Variants in NOL4 observed in about 807,000 individuals in gnomAD.
NOL4 encodes cancer/testis antigen 125.
Under a neutral mutation model 75.9 loss-of-function variants are expected in NOL4, and 17 were observed. The observed-to-expected ratio is 0.22, with a 90% CI of 0.15 to 0.34. NOL4 has a LOEUF of 0.34. Among genes scored for constraint, NOL4 ranks in the 10% least tolerant of loss-of-function variants. The probability of loss-of-function intolerance (pLI) is 1.00; values close to 1 mark genes in which losing one functional copy is unlikely to be tolerated. For missense variants in NOL4, 614 were observed against 793.5 expected (o/e 0.77, Z 2.72); for synonymous variants, 292 against 289.9 (o/e 1.01, Z -0.07).
rs144827870 is a variant in NOL4, at chr18:34,084,381, C to T, written c.772+9084G>A. Among the ~76,000 whole-genome samples, 409 of 152,242 alleles carry T rather than the reference C, an allele frequency of 2.7e-3. 3 individuals carry two copies. Among genetic ancestry groups the T allele is most frequent in the Non-Finnish European group, 3.8e-3 (256 of 68,006 alleles). On this transcript the variant is annotated intron_variant, in intron 5 of 10. Transcript: ENST00000261592. ...CTGGCTAGGGATGCTGAAATTGTAA[C>T]AGGGAGGCCCCGCCCGTCGAGGATA...
chr18:33,907,030 G>T (rs759835872), intron 9 of NOL4, among the ~76,000 whole-genome samples: 1 of 152,028 alleles, frequency 6.6e-6, no homozygotes, highest in Non-Finnish European at 1.5e-5. Context: ...TGCTACAAAA[G>T]ACCTTGAAAG....
intron 1 of NOL4, among the ~76,000 whole-genome samples, chr18:34,164,635 T>C (rs1221969664): frequency 6.6e-6 from 1 of 152,092 alleles, no homozygotes; most frequent in Non-Finnish European, 1.5e-5. Flanking sequence ...ACTTTTACAC[T>C]GTTGGTGGGA....
intron 5 of NOL4, among the ~76,000 whole-genome samples, chr18:34,072,665 G>A (rs1384247840): frequency 6.6e-6 from 1 of 152,086 alleles, no homozygotes; most frequent in Non-Finnish European, 1.5e-5. Flanking sequence ...ATGTGCGCAC[G>A]AACATTTACC....
chr18:34,143,460 A>G (rs1009927069), intron 1 of NOL4, among the ~76,000 whole-genome samples: 23 of 152,188 alleles, frequency 1.5e-4, no homozygotes, highest in Non-Finnish European at 2.8e-4. Context: ...TGATATGGCA[A>G]ATAAAACTCC....
intron 4 of NOL4, among the ~76,000 whole-genome samples, chr18:34,099,416 T>C (rs2078942965): frequency 6.7e-6 from 1 of 149,922 alleles, no homozygotes; most frequent in Non-Finnish European, 1.5e-5. Context: ...TACTTCAGTG[T>C]CTCTGGAAAC....
At chr18:34,113,903 G>A (rs1224998035) in intron 2 of NOL4, among the ~76,000 whole-genome samples, 1 of 152,098 alleles carries the variant, frequency 6.6e-6, no homozygotes, top group African/African-American at 2.4e-5. Flanking sequence ...TGTTTGAAAT[G>A]TTAAATCAAT....
intron 5 of NOL4, among the ~76,000 whole-genome samples, chr18:34,043,208 A>G (rs1335998069): frequency 6.6e-6 from 1 of 152,082 alleles, no homozygotes; most frequent in Non-Finnish European, 1.5e-5. Context: ...GCAGATCCAT[A>G]GTGGGGGTTT....
At chr18:34,036,355 T>C (rs1295851005) in intron 5 of NOL4, among the ~76,000 whole-genome samples, 2 of 54,754 alleles carry the variant, frequency 3.7e-5, no homozygotes, top group Non-Finnish European at 7.9e-5. Flanking sequence ...ATCATATCAA[T>C]AAAATGAAGG....
chr18:34,029,161 C>T (rs1448551435), intron 5 of NOL4, among the ~76,000 whole-genome samples: 1 of 152,058 alleles, frequency 6.6e-6, no homozygotes, highest in African/African-American at 2.4e-5. Context: ...ATCATGCCCC[C>T]CTTTGGATCT....
At chr18:34,135,042 G>A (rs1180333733) in intron 1 of NOL4, among the ~76,000 whole-genome samples, 6 of 152,036 alleles carry the variant, frequency 3.9e-5, no homozygotes, top group African/African-American at 1.2e-4. Context: ...AGAAGGGAGA[G>A]AATATGTAAA....
chr18:33,859,649 T>C (rs376862323), intron 10 of NOL4, among the ~76,000 whole-genome samples: 22 of 152,346 alleles, frequency 1.4e-4, no homozygotes, highest in Non-Finnish European at 2.8e-4. Context: ...CCAGGCATAG[T>C]GGCTTACGCC....
At chr18:33,957,252 G>A in intron 8 of NOL4, 74 bp downstream of exon 8, 2 of 1,230,500 alleles carry the variant, frequency 1.6e-6, no homozygotes, top group South Asian at 2.0e-5. Context: ...CACTAAGATG[G>A]AAAAAAAATA....
chr18:33,965,644 G>C (rs1432940590), intron 6 of NOL4, among the ~76,000 whole-genome samples: 2 of 152,138 alleles, frequency 1.3e-5, no homozygotes, highest in Non-Finnish European at 2.9e-5. Flanking sequence ...CATGAAATCT[G>C]ATGGTTTTAT....
At chr18:33,874,227 C>G (rs2063828941) in intron 10 of NOL4, among the ~76,000 whole-genome samples, 1 of 151,542 alleles carries the variant, frequency 6.6e-6, no homozygotes, top group African/African-American at 2.4e-5. Context: ...TTGAGAGAAT[C>G]CAAGCATGAA....
In NOL4 at chr18:33,893,259, G is replaced by A. The variant is rs192413737; in HGVS notation, c.1543-9835C>T. ...GGATGGGTGATATTTACAGATTAAG[G>A]GCAAGATTGAGAGTGGTTTAGAAGA... is the stretch of plus-strand genomic sequence containing the variant. On this transcript the variant is annotated intron_variant, in intron 9 of 10. Coordinates refer to ENST00000261592, the MANE Select transcript of NOL4 (RefSeq NM_003787.5). Among the ~76,000 whole-genome samples the A allele has an allele frequency of 1.6e-3, 240 of 152,194 alleles. 3 individuals are homozygous for A. The highest frequency in any genetic ancestry group is 5.5e-3 in the African/African-American group (229 of 41,550).
intron 10 of NOL4, among the ~76,000 whole-genome samples, chr18:33,873,736 CTACT>C (rs1167614387): frequency 6.6e-6 from 1 of 151,988 alleles, no homozygotes; most frequent in Non-Finnish European, 1.5e-5. Context: ...AGGTAGTTAC[CTACT>C]AACACTTGGT....
chr18:34,140,168 A>G (rs1426133461), intron 1 of NOL4, among the ~76,000 whole-genome samples: 1 of 152,118 alleles, frequency 6.6e-6, no homozygotes, highest in Non-Finnish European at 1.5e-5. Flanking sequence ...GATTTGGGGC[A>G]GAGAGTTCTG....
chr18:33,859,559 TTTTAA>T (rs2062994277), intron 10 of NOL4, among the ~76,000 whole-genome samples: 1 of 152,224 alleles, frequency 6.6e-6, no homozygotes, highest in Non-Finnish European at 1.5e-5. Flanking sequence ...TTTTGTTACT[TTTTAA>T]TTTAATTTTG....
chr18:34,075,017 G>A (rs1230377730), intron 5 of NOL4, among the ~76,000 whole-genome samples: 1 of 152,090 alleles, frequency 6.6e-6, no homozygotes, highest in African/African-American at 2.4e-5. Context: ...TTAAAACTCA[G>A]TATATTAACA....
Sources: allele counts gnomAD v4.1 joint callset (sites outside exome capture counted in the v4.1 genomes callset), GRCh38; gene constraint gnomAD v4.1.1; transcripts MANE v1.5; gene names NCBI Gene and HGNC (gene_info 2026-07-23, HGNC 2026-07-21).